Variants in MCC observed in about 807,000 individuals in gnomAD.
MCC encodes the protein colorectal mutant cancer protein.
A neutral mutation model predicts 116.2 loss-of-function variants in MCC; 90 were observed. The ratio of observed to expected loss-of-function variants is 0.77; its 90% CI spans 0.65 to 0.92. The LOEUF (loss-of-function observed/expected upper bound fraction) is 0.92, where lower values mean the gene tolerates loss of function less well. Ranked by LOEUF, MCC falls within the 40% of genes least tolerant of loss-of-function variation. The probability of loss-of-function intolerance (pLI) is 0.00; values close to 1 mark genes in which losing one functional copy is unlikely to be tolerated. For synonymous variants in MCC, 578 were observed against 510.5 expected (o/e 1.13, Z -1.78); for missense variants, 1,516 against 1,312.2 (o/e 1.16, Z -2.40).
intron 17 of MCC, among the ~76,000 whole-genome samples, chr5:113,029,901 G>T (rs930032059): frequency 1.3e-5 from 2 of 152,222 alleles, no homozygotes; most frequent in Admixed American, 1.3e-4. Context: ...GCTCCCCCAT[G>T]GTCATGTTGG....
At chr5:113,057,986 C>T (rs554306928) in intron 14 of MCC, among the ~76,000 whole-genome samples, 7 of 152,286 alleles carry the variant, frequency 4.6e-5, no homozygotes, top group African/African-American at 1.2e-4. Flanking sequence ...GAATGAAATC[C>T]TTCCTTGTAA....
rs2150201171 is a variant in MCC, at chr5:113,022,507, TTAGAAC to T, written c.*4789_*4794del. On this transcript the variant is annotated 3_prime_UTR_variant, in exon 19 of 19. Transcript: ENST00000408903. ...ATAAATCTTGATGTCTAAAAACTGATTAGAACTAGAAAAGAAGTGGACATGTTTTAT... is the reference window on the plus strand; with the variant it reads ...ATAAATCTTGATGTCTAAAAACTGATTAGAAAAGAAGTGGACATGTTTTAT... The T allele has an allele frequency of 6.5e-6, 1 of 152,700 alleles. No homozygotes were observed. The highest frequency in any genetic ancestry group is 6.5e-5 in the Admixed American group (1 of 15,312). 9.5% of individuals were successfully genotyped at this position (152,700 alleles called of 1,614,324 possible). A position where few individuals can be genotyped will look rare whatever the true frequency, so the allele number is the denominator to read the frequency against.
Position 113,148,769 on chromosome 5 carries a change from G to C in MCC, c.741+2540C>G, listed in dbSNP as rs115830252. On this transcript the variant is annotated intron_variant, in intron 4 of 18. Coordinates refer to ENST00000408903, the MANE Select transcript of MCC (RefSeq NM_001085377.2). The stretch of plus-strand genomic sequence containing the variant: ...TTCCTAGGTTCCAGTATATGAACTG[G>C]GAAGAAAACTCCAGTGAGAAGAGCA... Among the ~76,000 whole-genome samples, 999 of 152,042 alleles carry C rather than the reference G, an allele frequency of 6.6e-3. 3 individuals are homozygous for C. Among genetic ancestry groups the C allele is most frequent in the Non-Finnish European group, 0.01 (711 of 67,978 alleles).
Position 113,028,945 on chromosome 5 carries a change from C to G in MCC, c.2868G>C (p.Lys956Asn), listed in dbSNP as rs778086546. Residue 956 changes from lysine (K) to asparagine (N), a missense_variant, in exon 18 of 19, where the codon AAG becomes AAC. By Grantham distance (94) the Lys-to-Asn change is moderately conservative. Coordinates refer to ENST00000408903, the MANE Select transcript of MCC (RefSeq NM_001085377.2). ...QQSAEFVNDL[K>N]RANSNLVAAY... The stretch of plus-strand genomic sequence containing the variant: ...AGGGAGATTTTTACCTGTTGGCCCG[C>G]TTTAGATCATTCACGAACTCTGCAG... The G allele has an allele frequency of 5.0e-6, 8 of 1,613,622 alleles. No homozygotes were observed. Among genetic ancestry groups the G allele is most frequent in the Non-Finnish European group, 6.8e-6 (8 of 1,179,794 alleles).
chr5:113,035,986 T>A (rs1751303470), intron 17 of MCC, among the ~76,000 whole-genome samples: 1 of 149,318 alleles, frequency 6.7e-6, no homozygotes, highest in Non-Finnish European at 1.5e-5. Context: ...AGTACTATCA[T>A]GATTCTCATT....
rs181838120 is a variant in MCC at position 113,120,643 on chromosome 5, T to C, written c.1027+2041A>G. On this transcript the variant is annotated intron_variant, in intron 6 of 18. Transcript: ENST00000408903. ...CCTGTGATAATCTCTGAAGATATAC[T>C]AGGAGATGAAACAAACATGCTTCCG... is the stretch of plus-strand genomic sequence containing the variant. Among the ~76,000 whole-genome samples, 7 of 152,324 alleles carry C rather than the reference T, an allele frequency of 4.6e-5. No individual in the cohort carries two copies. In the East Asian group the frequency reaches 9.6e-4, roughly 21 times the overall value.
In MCC at chr5:113,161,962, A is replaced by G. The variant is rs1760509813; in HGVS notation, c.628-10540T>C. ...AGGCCCTGGCTTGTCTTGCCTCACC[A>G]CAGGGCTGCTGACGGATGGGCCATT... On this transcript the variant is annotated intron_variant, in intron 3 of 18. Coordinates refer to ENST00000408903, the MANE Select transcript of MCC (RefSeq NM_001085377.2). Among the ~76,000 whole-genome samples, 3 of 152,350 alleles carry G rather than the reference A, an allele frequency of 2.0e-5. 1 individual carries two copies. Among genetic ancestry groups the G allele is most frequent in the African/African-American group, 4.8e-5 (2 of 41,586 alleles).
chr5:113,446,561 G>T (rs1226453184), intron 1 of MCC, among the ~76,000 whole-genome samples: 1 of 152,182 alleles, frequency 6.6e-6, no homozygotes, highest in Admixed American at 6.5e-5. Context: ...TCTCACACCA[G>T]TCAGAATGGT....
At chr5:113,485,507 G>A (rs1302936288) in intron 1 of MCC, among the ~76,000 whole-genome samples, 1 of 152,136 alleles carries the variant, frequency 6.6e-6, no homozygotes, top group Non-Finnish European at 1.5e-5. Context: ...TAAGGGATTT[G>A]GGAAAGCTCT....
intron 3 of MCC, chr5:113,204,685 A>C (rs1762834386): frequency 6.6e-6 from 1 of 152,218 alleles, no homozygotes; most frequent in African/African-American, 2.4e-5. Context: ...GGAAACCAGG[A>C]GAAATTGTGC....
intron 3 of MCC, among the ~76,000 whole-genome samples, chr5:113,307,387 G>A (rs1280020735): frequency 6.6e-6 from 1 of 152,016 alleles, no homozygotes; most frequent in Non-Finnish European, 1.5e-5. Context: ...TTATTCCTAA[G>A]TATTTTATTC....
intron 8 of MCC, among the ~76,000 whole-genome samples, chr5:113,096,105 C>T (rs1306922290): frequency 6.6e-6 from 1 of 152,200 alleles, no homozygotes; most frequent in Non-Finnish European, 1.5e-5. Flanking sequence ...ACATAGCAGG[C>T]AGCTTCCCTA....
chr5:113,093,867 C>G (rs932626931), intron 8 of MCC, among the ~76,000 whole-genome samples: 2 of 152,110 alleles, frequency 1.3e-5, no homozygotes, highest in East Asian at 1.9e-4. Context: ...GCTGATGATA[C>G]GTAGCAGTAC....
intron 3 of MCC, among the ~76,000 whole-genome samples, chr5:113,300,228 A>G (rs555878926): frequency 2.6e-4 from 39 of 152,252 alleles, no homozygotes; most frequent in African/African-American, 8.2e-4. Context: ...AGGGAAACTG[A>G]AAACCTTGGA....
chr5:113,327,559 AAAAT>A (rs1354823886), intron 3 of MCC, among the ~76,000 whole-genome samples: 4 of 81,068 alleles, frequency 4.9e-5, no homozygotes, highest in South Asian at 3.3e-4. Flanking sequence ...AAAAAAAAAA[AAAAT>A]ATATATATAT....
At position 113,353,153 on chromosome 5, in the gene MCC, G is replaced by A. The variant is rs765783629; in HGVS notation, c.416-12423C>T. Among the ~76,000 whole-genome samples the A allele has an allele frequency of 2.0e-5, 3 of 152,094 alleles. 1 individual carries two copies. The highest frequency in any genetic ancestry group is 4.1e-4 in the South Asian group (2 of 4,824). ...TGCTTTCAAGGCAGAGGCCTTTCAC[G>A]TGCTGTTTTTGTGCTGGAAATGCTG... is the stretch of plus-strand genomic sequence containing the variant. On this transcript the variant is annotated intron_variant, in intron 2 of 18. Coordinates refer to ENST00000408903, the MANE Select transcript of MCC (RefSeq NM_001085377.2).
chr5:113,474,568 C>G (rs989354299), intron 1 of MCC, among the ~76,000 whole-genome samples: 35 of 152,176 alleles, frequency 2.3e-4, no homozygotes, highest in African/African-American at 7.5e-4. Flanking sequence ...CTGTAAGGAA[C>G]AGGCAACTGT....
At chr5:113,353,675 T>C (rs1054666576) in intron 2 of MCC, among the ~76,000 whole-genome samples, 3 of 152,182 alleles carry the variant, frequency 2.0e-5, no homozygotes, top group African/African-American at 7.2e-5. Flanking sequence ...ATTCTAAACA[T>C]TGATCAGTCT....
intron 3 of MCC, among the ~76,000 whole-genome samples, chr5:113,334,881 G>A (rs1012420446): frequency 1.3e-5 from 2 of 151,480 alleles, no homozygotes; most frequent in Non-Finnish European, 2.9e-5. Context: ...GTGAGCCACC[G>A]TGCCCAGCCA....
Sources: gnomAD v4.1 joint callset for allele counts (sites outside exome capture counted in the v4.1 genomes callset) on GRCh38, gnomAD v4.1.1 for gene constraint, MANE v1.5 for transcripts, NCBI Gene and HGNC (gene_info 2026-07-23, HGNC 2026-07-21) for gene names.